Variants in GOLIM4 observed in about 807,000 individuals in gnomAD.
The protein encoded by GOLIM4 is 130 kDa golgi-localized phosphoprotein.
GOLIM4 carries 71 observed loss-of-function variants against 107.4 expected under a neutral mutation model. The ratio of observed to expected loss-of-function variants is 0.66; its 90% CI spans 0.55 to 0.81. The LOEUF (loss-of-function observed/expected upper bound fraction) is 0.81. Ranked by LOEUF, GOLIM4 falls within the 30% of genes least tolerant of loss-of-function variation. The probability of loss-of-function intolerance (pLI) is 0.00; values close to 1 mark genes in which losing one functional copy is unlikely to be tolerated. For missense variants in GOLIM4, 830 were observed against 826.1 expected (o/e 1.00, Z -0.06); for synonymous variants, 327 against 294.8 (o/e 1.11, Z -1.12).
intron 1 of GOLIM4, among the ~76,000 whole-genome samples, chr3:168,056,158 C>T (rs879149840): frequency 4.6e-5 from 7 of 152,200 alleles, no homozygotes; most frequent in African/African-American, 1.7e-4. Flanking sequence ...CCCAGATGCT[C>T]CAGCCATGGC....
intron 8 of GOLIM4, among the ~76,000 whole-genome samples, chr3:168,033,606 C>CA (rs61728774): frequency 0.1 from 3,216 of 31,278 alleles, 1,097 homozygotes; most frequent in East Asian, 0.23. Context: ...GACTCCGTCT[C>CA]AAAAAAAAAA....
chr3:168,058,115 A>G (rs1182248302), intron 1 of GOLIM4, among the ~76,000 whole-genome samples: 1 of 152,206 alleles, frequency 6.6e-6, no homozygotes, highest in Non-Finnish European at 1.5e-5. Flanking sequence ...CATTCAGATT[A>G]ACTATTTTTT....
chr3:168,026,442 G>T (rs1718000930), intron 12 of GOLIM4, among the ~76,000 whole-genome samples: 1 of 152,166 alleles, frequency 6.6e-6, no homozygotes, highest in Non-Finnish European at 1.5e-5. Flanking sequence ...AAATAAAACA[G>T]AAAGAGAGGA....
At chr3:168,034,198 T>G (rs867327507) in intron 8 of GOLIM4, among the ~76,000 whole-genome samples, 1 of 152,204 alleles carries the variant, frequency 6.6e-6, no homozygotes, top group Non-Finnish European at 1.5e-5. Context: ...AATACTGCCC[T>G]GGCTTTACAG....
chr3:168,044,464 A>G (rs1719191813), intron 4 of GOLIM4, among the ~76,000 whole-genome samples: 1 of 152,236 alleles, frequency 6.6e-6, no homozygotes, highest in East Asian at 1.9e-4. Flanking sequence ...AAGCATTTTA[A>G]TAGTTCTACA....
chr3:168,026,845 C>A (rs1229788596), intron 12 of GOLIM4, among the ~76,000 whole-genome samples: 1 of 152,222 alleles, frequency 6.6e-6, no homozygotes, highest in Non-Finnish European at 1.5e-5. Flanking sequence ...AAAGCTGTTT[C>A]CAGCAAAAGG....
chr3:168,034,378 A>T (rs543774461), intron 8 of GOLIM4, among the ~76,000 whole-genome samples: 8 of 152,344 alleles, frequency 5.3e-5, no homozygotes, highest in African/African-American at 1.9e-4. Flanking sequence ...CAGTCTGACA[A>T]GGGCAGAAAA....
chr3:168,089,617 G>C (rs1721795279), intron 1 of GOLIM4, among the ~76,000 whole-genome samples: 1 of 152,122 alleles, frequency 6.6e-6, no homozygotes, highest in African/African-American at 2.4e-5. Flanking sequence ...TGACGCCTCA[G>C]CCTGTATCTA....
Position 168,041,411 on chromosome 3 carries a change from G to A in GOLIM4, c.581C>T (p.Thr194Ile), listed in dbSNP as rs775068707. Residue 194 changes from threonine to isoleucine, a missense_variant, in exon 6 of 16, where the codon ACA becomes ATA. By Grantham distance (89) the Thr-to-Ile change is moderately conservative. Transcript: ENST00000470487. ...QLRKAHQDIH[T>I]QLQDVKQQHK... ...TTTTACCTTGACATCTTGAAGCTGT[G>A]TATGTATGTCTTGGTGTGCTTTCCT... The A allele has an allele frequency of 3.2e-6, 5 of 1,583,530 alleles. No individual in the cohort carries two copies. The highest frequency in any genetic ancestry group is 1.7e-5 in the Admixed American group (1 of 59,932).
At chr3:168,091,974 C>T (rs1577585233) in intron 1 of GOLIM4, among the ~76,000 whole-genome samples, 1 of 152,164 alleles carries the variant, frequency 6.6e-6, no homozygotes, top group East Asian at 1.9e-4. Context: ...AGAGGTGTGG[C>T]TCTCAACCTT....
intron 9 of GOLIM4, 31 bp from the exon 10 acceptor site, chr3:168,030,067 G>A (rs970658588): frequency 1.2e-6 from 2 of 1,606,094 alleles, no homozygotes; most frequent in African/African-American, 2.7e-5. Context: ...TGCAGAGCAA[G>A]AGGGGTTAGC....
At chr3:168,080,107 G>A (rs944163555) in intron 1 of GOLIM4, among the ~76,000 whole-genome samples, 1 of 152,006 alleles carries the variant, frequency 6.6e-6, no homozygotes, top group African/African-American at 2.4e-5. Context: ...AAAGTTTCAA[G>A]AATTAGAAGA....
rs747437284 is a variant in GOLIM4 at position 168,029,931 on chromosome 3, G to A, written c.1282C>T (p.Arg428Trp). 66 of 1,614,030 alleles carry A rather than the reference G, an allele frequency of 4.1e-5. No individual in the cohort carries two copies. Among genetic ancestry groups the A allele is most frequent in the African/African-American group, 9.3e-5 (7 of 74,916 alleles). The change falls in exon 10 of 16, where the codon CGG becomes TGG. Residue 428 changes from arginine (R) to tryptophan (W), a missense_variant. Transcript: ENST00000470487. ...VQQVEEAQQL[R>W]EHQEALHQQR... ...TGGTGCAAAGCTTCCTGGTGTTCCC[G>A]CAGCTGCTGGGCCTCCTCCACCTGC...
intron 1 of GOLIM4, among the ~76,000 whole-genome samples, chr3:168,049,852 ACT>A (rs2108255107): frequency 6.6e-6 from 1 of 152,052 alleles, no homozygotes; most frequent in African/African-American, 2.4e-5. Context: ...TTCTCCCCAC[ACT>A]GTGTCTTTTC....
At chr3:168,062,830 TA>T in intron 1 of GOLIM4, among the ~76,000 whole-genome samples, 1 of 152,314 alleles carries the variant, frequency 6.6e-6, no homozygotes, top group Admixed American at 6.5e-5. Context: ...ATTCAAAGTG[TA>T]CTATGAAAGT....
intron 1 of GOLIM4, among the ~76,000 whole-genome samples, chr3:168,073,453 T>C (rs574199251): frequency 2.5e-4 from 38 of 152,344 alleles, no homozygotes; most frequent in Admixed American, 3.3e-4. Context: ...AGGCCAACTA[T>C]TTTATCCATT....
chr3:168,070,500 TG>T (rs1720781063), intron 1 of GOLIM4, among the ~76,000 whole-genome samples: 1 of 152,250 alleles, frequency 6.6e-6, no homozygotes. Flanking sequence ...CTTCCTGAGA[TG>T]GGTGTTCACA....
At chr3:168,084,173 C>T (rs1472612492) in intron 1 of GOLIM4, among the ~76,000 whole-genome samples, 3 of 152,162 alleles carry the variant, frequency 2.0e-5, no homozygotes, top group African/African-American at 7.2e-5. Context: ...CCTCCCCCTT[C>T]ACCCTCTCTC....
intron 14 of GOLIM4, among the ~76,000 whole-genome samples, chr3:168,023,876 A>G (rs1195699168): frequency 6.6e-6 from 1 of 152,104 alleles, no homozygotes; most frequent in Non-Finnish European, 1.5e-5. Flanking sequence ...CAGCACCACA[A>G]TAAACGCTAC....
Sources: allele counts gnomAD v4.1 joint callset (sites outside exome capture counted in the v4.1 genomes callset), GRCh38; gene constraint gnomAD v4.1.1; transcripts MANE v1.5; gene names NCBI Gene and HGNC (gene_info 2026-07-23, HGNC 2026-07-21).